OR2L3: variants seen among roughly 807,000 people sequenced by gnomAD.
OR2L3 encodes the protein olfactory receptor 2L3.
For missense variants in OR2L3, 369 were observed against 376.6 expected (o/e 0.98, Z 0.17); for synonymous variants, 131 against 139.1 (o/e 0.94, Z 0.41).
At chr1:248,050,034 G>C (rs539535400) in intron 1 of OR2L3, among the ~76,000 whole-genome samples, 14 of 152,224 alleles carry the variant, frequency 9.2e-5, no homozygotes, top group Admixed American at 5.2e-4. Flanking sequence ...TTATTTTGAT[G>C]AACTCCAATA....
At chr1:248,058,389 C>A (rs1294488775) in intron 1 of OR2L3, among the ~76,000 whole-genome samples, 2 of 152,126 alleles carry the variant, frequency 1.3e-5, no homozygotes, top group East Asian at 3.9e-4. Flanking sequence ...CCGTCATCAC[C>A]CCCAGGTTCC....
rs772101099 is a variant in OR2L3, at chr1:248,061,557, G to C, written c.876G>C (p.Arg292Ser). 1.2e-6 allele frequency: 2 copies of C among 1,613,642 alleles called. No homozygotes were observed. The highest frequency in any genetic ancestry group is 1.7e-6 in the Non-Finnish European group (2 of 1,179,864). Residue 292 changes from arginine (R) to serine (S), a missense_variant, in exon 2 of 2, where the codon AGG becomes AGC. By Grantham distance (110) the Arg-to-Ser change is moderately radical. Transcript: ENST00000359959. ...TCAACCCCATCATCTATAGCCTGAG[G>C]AACAAGGAGGTGATGGGGGCCCTGA... ...PMLNPIIYSL[R>S]NKEVMGALTR...
intron 1 of OR2L3, among the ~76,000 whole-genome samples, chr1:248,056,412 T>C (rs965323698): frequency 6.6e-6 from 1 of 152,156 alleles, no homozygotes; most frequent in Non-Finnish European, 1.5e-5. Context: ...GTTTGTTTGC[T>C]CTTGGCTCTC....
At chr1:248,049,754 T>C (rs1009801815) in intron 1 of OR2L3, among the ~76,000 whole-genome samples, 1 of 152,220 alleles carries the variant, frequency 6.6e-6, no homozygotes, top group African/African-American at 2.4e-5. Flanking sequence ...TTCTATTATT[T>C]TTGTTTTGAC....
intron 1 of OR2L3, among the ~76,000 whole-genome samples, chr1:248,057,859 A>G (rs1475820426): frequency 6.6e-6 from 1 of 152,164 alleles, no homozygotes; most frequent in African/African-American, 2.4e-5. Flanking sequence ...AATTTTGCTA[A>G]TTTTATTTAT....
Position 248,061,336 on chromosome 1 carries a change from C to G in OR2L3, c.655C>G (p.Arg219Gly). The G allele has an allele frequency of 6.2e-7, 1 of 1,613,852 alleles. No homozygotes were observed. Among genetic ancestry groups the G allele is most frequent in the Non-Finnish European group, 8.5e-7 (1 of 1,179,994 alleles). ...CATTGCTATTTCATGTTCCTATGGCCGGGTTCTCCTTGCTGTCTACCACAT... is the reference window on the plus strand; with the variant it reads ...CATTGCTATTTCATGTTCCTATGGCGGGGTTCTCCTTGCTGTCTACCACAT... ...PFIAISCSYG[R>G]VLLAVYHMKS... is the part of the protein sequence containing the mutation. Residue 219 changes from arginine (R) to glycine (G), a missense_variant, in exon 2 of 2, where the codon CGG (arginine) becomes GGG (glycine). By Grantham distance (125) the Arg-to-Gly change is moderately radical. Transcript: ENST00000359959.
chr1:248,062,836 C>G lies in OR2L3; in HGVS notation c.*1216C>G, dbSNP rs1236232772. On this transcript the variant is annotated 3_prime_UTR_variant, in exon 2 of 2. Transcript: ENST00000359959. ...GCATTGTATGCCTTTATCAAAGCAT[C>G]ACATACACTCCGCAATTATATATTA... The G allele has an allele frequency of 6.6e-6, 1 of 152,080 alleles. No homozygotes were observed. Among genetic ancestry groups the G allele is most frequent in the African/African-American group, 2.4e-5 (1 of 41,414 alleles). 9.4% of individuals were successfully genotyped at this position (152,080 alleles called of 1,614,324 possible).
chr1:248,061,677 A>T lies in OR2L3; in HGVS notation c.*57A>T. Reference sequence around the variant, plus strand: ...GATACACATCCATCCAGCAGTGTATAGTAATTAAAATATTATTTCAATCCT... The same window carrying T: ...GATACACATCCATCCAGCAGTGTATTGTAATTAAAATATTATTTCAATCCT... On this transcript the variant is annotated 3_prime_UTR_variant, in exon 2 of 2. Transcript: ENST00000359959. 3 of 1,392,434 alleles carry T rather than the reference A, an allele frequency of 2.2e-6. No individual in the cohort carries two copies. Among genetic ancestry groups the T allele is most frequent in the Non-Finnish European group, 2.9e-6 (3 of 1,030,766 alleles). The allele number at this position is 1,392,434 out of a possible 1,614,324, so 86.3% of individuals were successfully genotyped here. A position where few individuals can be genotyped will look rare whatever the true frequency, so the allele number is the denominator to read the frequency against.
intron 1 of OR2L3, among the ~76,000 whole-genome samples, chr1:248,052,592 G>C (rs529357785): frequency 2.0e-5 from 3 of 152,024 alleles, no homozygotes; most frequent in Non-Finnish European, 4.4e-5. Context: ...TTAGCTGGGC[G>C]TGGTGGCGGG....
At chr1:248,059,829 G>A (rs1272802112) in intron 1 of OR2L3, among the ~76,000 whole-genome samples, 2 of 152,134 alleles carry the variant, frequency 1.3e-5, no homozygotes, top group Non-Finnish European at 2.9e-5. Flanking sequence ...GGATTGGTGA[G>A]GCCAAGAGTT....
Position 248,061,598 on chromosome 1 carries a change from G to T in OR2L3, c.917G>T (p.Arg306Ile). ...GGGGCCCTGACACGAGTGAGTCAGAGAATCTGCTCTGGGAAAATGTAGAAA... is the reference window on the plus strand; with the variant it reads ...GGGGCCCTGACACGAGTGAGTCAGATAATCTGCTCTGGGAAAATGTAGAAA... ...VMGALTRVSQ[R>I]ICSGKM The change falls in exon 2 of 2, where the codon AGA (arginine) becomes ATA (isoleucine). Residue 306 changes from arginine to isoleucine, a missense_variant. Coordinates refer to ENST00000359959, the MANE Select transcript of OR2L3 (RefSeq NM_001004687.2). 1.9e-6 allele frequency: 3 copies of T among 1,612,586 alleles called. No individual in the cohort carries two copies. The highest frequency in any genetic ancestry group is 2.5e-6 in the Non-Finnish European group (3 of 1,179,298).
At chr1:248,052,922 CTTT>C (rs1035421166) in intron 1 of OR2L3, among the ~76,000 whole-genome samples, 3 of 151,542 alleles carry the variant, frequency 2.0e-5, no homozygotes, top group Admixed American at 6.6e-5. Context: ...GCTTTGTACA[CTTT>C]TTATTTTTAT....
intron 1 of OR2L3, among the ~76,000 whole-genome samples, chr1:248,057,406 T>G (rs1663468124): frequency 6.6e-6 from 1 of 152,208 alleles, no homozygotes; most frequent in Non-Finnish European, 1.5e-5. Context: ...TCTTTGTCTT[T>G]TTTGACCTTT....
At chr1:248,055,761 CAGTG>C (rs1424745373) in intron 1 of OR2L3, 1 of 152,176 alleles carries the variant, frequency 6.6e-6, no homozygotes. Flanking sequence ...GACTGGATGA[CAGTG>C]AGACTCCGTC....
chr1:248,047,846 G>T (rs1663127659), intron 1 of OR2L3, among the ~76,000 whole-genome samples: 1 of 152,164 alleles, frequency 6.6e-6, no homozygotes, highest in South Asian at 2.1e-4. Context: ...GCTGAAACTT[G>T]CAGGTTCTCT....
At chr1:248,055,779 A>C (rs780554323) in intron 1 of OR2L3, 1 of 152,222 alleles carries the variant, frequency 6.6e-6, no homozygotes, top group Non-Finnish European at 1.5e-5. Flanking sequence ...CTCCGTCTCA[A>C]GGAAAAAAAT....
rs779282028 is a variant in OR2L3, at chr1:248,060,838, C to T, written c.157C>T (p.His53Tyr). 8.7e-6 allele frequency: 14 copies of T among 1,613,834 alleles called. No individual in the cohort carries two copies. The South Asian group carries it at 1.3e-4, about 15-fold the overall frequency. The part of the protein sequence containing the change: ...SMILLIFLDT[H>Y]LHTPMYFLLS... ...GATTCTTCTCATCTTCTTGGACACC[C>T]ATCTCCACACACCCATGTATTTCCT... The change falls in exon 2 of 2, where the codon CAT becomes TAT. Residue 53 changes from histidine (H) to tyrosine (Y), a missense_variant. Transcript: ENST00000359959.
chr1:248,056,735 C>T (rs1357169991), intron 1 of OR2L3, among the ~76,000 whole-genome samples: 2 of 143,384 alleles, frequency 1.4e-5, no homozygotes, highest in Non-Finnish European at 3.0e-5. Flanking sequence ...TCAACTTTTG[C>T]CTCCTGGGTT....
rs1435657739 is a variant in OR2L3 at position 248,063,205 on chromosome 1, C to T, written c.*1585C>T. On this transcript the variant is annotated 3_prime_UTR_variant, in exon 2 of 2. Transcript: ENST00000359959. ...GTTATTTAAATAATATTAATTCTTC[C>T]AATCCATGAGCATTGGATTTCTTTC... 1 of 152,198 alleles carries T rather than the reference C, an allele frequency of 6.6e-6. No homozygotes were observed. The highest frequency in any genetic ancestry group is 1.5e-5 in the Non-Finnish European group (1 of 68,046). The allele number at this position is 152,198 out of a possible 1,614,324, so 9.4% of individuals were successfully genotyped here.
Sources: allele counts gnomAD v4.1 joint callset (sites outside exome capture counted in the v4.1 genomes callset), GRCh38; gene constraint gnomAD v4.1.1; transcripts MANE v1.5; gene names NCBI Gene and HGNC (gene_info 2026-07-23, HGNC 2026-07-21).